Variants in THAP2 observed in about 807,000 individuals in gnomAD.
THAP2 encodes the protein THAP domain containing 2, also known as THAP domain-containing protein 2.
THAP2 carries 16 observed loss-of-function variants against 18.8 expected under a neutral mutation model. The ratio of observed to expected loss-of-function variants is 0.85; its 90% CI spans 0.58 to 1.29. THAP2 has a LOEUF of 1.29. Among genes scored for constraint, THAP2 ranks in the 50% most tolerant of loss-of-function variants. The pLI is 0.00. For synonymous variants in THAP2, 80 were observed against 89.2 expected, an observed-to-expected ratio of 0.90 and a Z score of 0.58; for missense variants, 251 against 265.3, an observed-to-expected ratio of 0.95 and a Z score of 0.38.
chr12:71,673,003 TAGA>T (rs1881466906), intron 1 of THAP2, among the ~76,000 whole-genome samples: 1 of 152,136 alleles, frequency 6.6e-6, no homozygotes. Flanking sequence ...CTCACTACAA[TAGA>T]AGATGGCTAT....
At position 71,677,731 on chromosome 12, in the gene THAP2, C is replaced by T. The variant is rs1592614066; in HGVS notation, c.*623C>T. The stretch of plus-strand genomic sequence containing the variant: ...TGAATGTGAAGTACCATTGAGTCAT[C>T]CAAACTAGGTAAGGCCTCAAGTACT... On this transcript the variant is annotated 3_prime_UTR_variant, in exon 3 of 3. Coordinates refer to ENST00000308086, the MANE Select transcript of THAP2 (RefSeq NM_031435.4). 6.6e-6 allele frequency: 1 copy of T among 151,980 alleles called. No homozygotes were observed. The highest frequency in any genetic ancestry group is 1.5e-5 in the Non-Finnish European group (1 of 67,986). 9.4% of individuals were successfully genotyped at this position (151,980 alleles called of 1,614,324 possible).
intron 1 of THAP2, among the ~76,000 whole-genome samples, chr12:71,666,407 G>A (rs549625724): frequency 5.3e-4 from 81 of 152,178 alleles, no homozygotes; most frequent in African/African-American, 1.7e-3. Context: ...CAGCTACTCC[G>A]GAGGCTGAGG....
intron 1 of THAP2, among the ~76,000 whole-genome samples, chr12:71,673,993 A>G (rs1249333363): frequency 1.3e-5 from 2 of 150,640 alleles, no homozygotes; most frequent in African/African-American, 2.4e-5. Context: ...CTGAAAAATA[A>G]ACGACTCAAG....
intron 1 of THAP2, 73 bp downstream of exon 1, chr12:71,664,653 A>G: frequency 1.3e-6 from 2 of 1,538,600 alleles, no homozygotes; most frequent in South Asian, 1.1e-5. Flanking sequence ...TGGAAGGAAC[A>G]GGAGGATTCT....
At chr12:71,676,050 G>C (rs949747087) in intron 2 of THAP2, among the ~76,000 whole-genome samples, 2 of 151,922 alleles carry the variant, frequency 1.3e-5, no homozygotes, top group Non-Finnish European at 2.9e-5. Context: ...ATTCATGGTA[G>C]GAATATTTAG....
chr12:71,670,483 C>A (rs1235804424), intron 1 of THAP2, among the ~76,000 whole-genome samples: 1 of 152,110 alleles, frequency 6.6e-6, no homozygotes, highest in Non-Finnish European at 1.5e-5. Context: ...TGCAGAAGCT[C>A]CCTCACCACA....
At chr12:71,668,491 A>G (rs1301951887) in intron 1 of THAP2, among the ~76,000 whole-genome samples, 1 of 152,158 alleles carries the variant, frequency 6.6e-6, no homozygotes, top group Admixed American at 6.5e-5. Context: ...TAAAAAGGTT[A>G]ACTTGCCTAA....
chr12:71,671,774 C>G (rs1289474789), intron 1 of THAP2, among the ~76,000 whole-genome samples: 1 of 152,164 alleles, frequency 6.6e-6, no homozygotes, highest in Non-Finnish European at 1.5e-5. Flanking sequence ...AAACTTCTGA[C>G]CCTCTGATCT....
In THAP2 at chr12:71,670,936, CAAAAAA is replaced by C. The variant is rs35547227; in HGVS notation, c.72-3253_72-3248del. Among the ~76,000 whole-genome samples, 5 of 98,932 alleles carry C rather than the reference CAAAAAA, an allele frequency of 5.1e-5. No homozygotes were observed. In the East Asian group the frequency reaches 1.2e-3, roughly 24 times the overall value. The allele number at this position is 98,932 out of a possible 152,430, so 64.9% of individuals were successfully genotyped here. A position where few individuals can be genotyped will look rare whatever the true frequency, so the allele number is the denominator to read the frequency against. The stretch of plus-strand genomic sequence containing the variant: ...CTGGGCAACAAGAGCAAAACTGTCT[CAAAAAA>C]AAAAAAAAAAAAATTAAGAGAAAAT... On this transcript the variant is annotated intron_variant, in intron 1 of 2. Coordinates refer to ENST00000308086, the MANE Select transcript of THAP2 (RefSeq NM_031435.4).
Position 71,674,385 on chromosome 12 carries a change from A to G in THAP2, c.254A>G (p.His85Arg), listed in dbSNP as rs1305364822. ...AVPTIFDFCT[H>R]IKSMKLKSRN... ...CCAACCATTTTTGATTTTTGTACCC[A>G]TATAAAGTCTATGGTAGGTAATGTT... Residue 85 changes from histidine (H) to arginine (R), a missense_variant, in exon 2 of 3, where the codon CAT (histidine) becomes CGT (arginine). Transcript: ENST00000308086. 6.2e-7 allele frequency: 1 copy of G among 1,605,310 alleles called. No homozygotes were observed. The highest frequency in any genetic ancestry group is 8.5e-7 in the Non-Finnish European group (1 of 1,174,726).
At chr12:71,669,875 C>T (rs1971559) in intron 1 of THAP2, among the ~76,000 whole-genome samples, 62,942 of 150,510 alleles carry the variant, frequency 0.42, 17,677 homozygotes, top group East Asian at 0.82. Context: ...GAGAATCTCT[C>T]GAACCTGGGA....
chr12:71,672,857 A>C (rs1417187845), intron 1 of THAP2, among the ~76,000 whole-genome samples: 1 of 152,204 alleles, frequency 6.6e-6, no homozygotes, highest in Non-Finnish European at 1.5e-5. Flanking sequence ...TGCACTAAAT[A>C]CAATGAAAAA....
rs763993758 is a variant in THAP2 at position 71,676,954 on chromosome 12, C to A, written c.533C>A (p.Ala178Glu). 3.7e-6 allele frequency: 6 copies of A among 1,613,728 alleles called. No individual in the cohort carries two copies. In the South Asian group the frequency reaches 6.6e-5, roughly 18 times the overall value. The part of the protein sequence containing the change: ...KATCLVKNLE[A>E]NSVLPKGTSE... ...ACGTGTTTGGTAAAGAATTTAGAAG[C>A]AAATAGTGTATTACCTAAAGGTACA... Residue 178 changes from alanine (A) to glutamate (E), a missense_variant, in exon 3 of 3, where the codon GCA (alanine) becomes GAA (glutamate). Ala to Glu is a moderately radical substitution (Grantham distance 107, BLOSUM62 -1). Transcript: ENST00000308086.
chr12:71,677,115 C>T lies in THAP2; in HGVS notation c.*7C>T. The T allele has an allele frequency of 6.4e-7, 1 of 1,568,688 alleles. No homozygotes were observed. ...CAAGAGTACCTTCATTTAAATTTAG[C>T]TTGCACAGAGCTTGATGCCTATCCT... On this transcript the variant is annotated 3_prime_UTR_variant, in exon 3 of 3. Coordinates refer to ENST00000308086, the MANE Select transcript of THAP2 (RefSeq NM_031435.4).
At chr12:71,667,345 T>C (rs1214812351) in intron 1 of THAP2, among the ~76,000 whole-genome samples, 1 of 152,236 alleles carries the variant, frequency 6.6e-6, no homozygotes, top group African/African-American at 2.4e-5. Context: ...TAATTTCAGC[T>C]GTTCTGTGGT....
chr12:71,674,133 T>C (rs1881484086), intron 1 of THAP2, 70 bp from the exon 2 acceptor site: 1 of 1,419,090 alleles, frequency 7.0e-7, no homozygotes, highest in Non-Finnish European at 9.3e-7. Context: ...CTTCGAAATT[T>C]CTTTTAATCA....
chr12:71,677,101 T>G lies in THAP2; in HGVS notation c.680T>G (p.Phe227Cys). The change falls in exon 3 of 3, where the codon TTC becomes TGC. Residue 227 changes from phenylalanine (F) to cysteine (C), a missense_variant. By Grantham distance (205) the Phe-to-Cys change is radical. Coordinates refer to ENST00000308086, the MANE Select transcript of THAP2 (RefSeq NM_031435.4). The stretch of plus-strand genomic sequence containing the variant: ...AATCTAAAACAGACCAAGAGTACCT[T>G]CATTTAAATTTAGCTTGCACAGAGC... ...SLNLKQTKSTFI is the reference protein window; with the variant it reads ...SLNLKQTKSTCI The G allele has an allele frequency of 6.3e-7, 1 of 1,579,912 alleles. No individual in the cohort carries two copies. The highest frequency in any genetic ancestry group is 1.4e-5 in the African/African-American group (1 of 73,544).
In THAP2 at chr12:71,664,314, A is replaced by G. The variant is rs944962293; in HGVS notation, c.-196A>G. The G allele has an allele frequency of 2.8e-5, 17 of 604,038 alleles. No homozygotes were observed. The African/African-American group carries it at 3.2e-4, about 11-fold the overall frequency. The allele number at this position is 604,038 out of a possible 1,614,324, so 37.4% of individuals were successfully genotyped here. A position where few individuals can be genotyped will look rare whatever the true frequency, so the allele number is the denominator to read the frequency against. On this transcript the variant is annotated 5_prime_UTR_variant, in exon 1 of 3. Coordinates refer to ENST00000308086, the MANE Select transcript of THAP2 (RefSeq NM_031435.4). ...TCTGTGGGCTCTAGTCGGCCATATT[A>G]ATAAAGAGAAAGGGAAGGCTGACCG... is the stretch of plus-strand genomic sequence containing the variant.
Position 71,676,831 on chromosome 12 carries a change from G to C in THAP2, c.410G>C (p.Arg137Thr), listed in dbSNP as rs772899136. Residue 137 changes from arginine (R) to threonine (T), a missense_variant, in exon 3 of 3, where the codon AGG becomes ACG. Transcript: ENST00000308086. ...AFRNPMEAKK[R>T]IIKLEKEIAS... ...AGGAATCCTATGGAGGCAAAAAAGA[G>C]GATCATTAAACTGGAAAAAGAAATA... is the stretch of plus-strand genomic sequence containing the variant. 16 of 1,613,522 alleles carry C rather than the reference G, an allele frequency of 9.9e-6. No homozygotes were observed. The highest frequency in any genetic ancestry group is 1.1e-5 in the Non-Finnish European group (13 of 1,179,632).
Sources: allele counts gnomAD v4.1 joint callset (sites outside exome capture counted in the v4.1 genomes callset), GRCh38; gene constraint gnomAD v4.1.1; transcripts MANE v1.5; gene names NCBI Gene and HGNC (gene_info 2026-07-23, HGNC 2026-07-21).